Variants in SEMA3F observed in about 807,000 individuals in gnomAD.
SEMA3F encodes the protein semaphorin-3F.
A neutral mutation model predicts 98.5 loss-of-function variants in SEMA3F; 30 were observed. The ratio of observed to expected loss-of-function variants is 0.30; its 90% CI spans 0.23 to 0.41. The LOEUF (loss-of-function observed/expected upper bound fraction) is 0.41, where lower values mean the gene tolerates loss of function less well. SEMA3F is among the 10% of genes least tolerant of loss of function. The pLI is 1.00. For synonymous variants in SEMA3F, 380 were observed against 444.8 expected (o/e 0.85, Z 1.83); for missense variants, 866 against 1,119.3 (o/e 0.77, Z 3.23).
rs565658126 is a variant in SEMA3F, at chr3:50,166,239, C to T, written c.112+6505C>T. ...GTTCCTTCCCACTTGGGGCTCGGTGCTGATGCCCTCATTTCCCCCGGCCAG... is the reference window on the plus strand; with the variant it reads ...GTTCCTTCCCACTTGGGGCTCGGTGTTGATGCCCTCATTTCCCCCGGCCAG... On this transcript the variant is annotated intron_variant, in intron 2 of 18. Transcript: ENST00000002829. This position sits in a 1 kb window ranked among gnomAD's most constrained non-coding sequence, Gnocchi z 4.7. Among the ~76,000 whole-genome samples, 4 of 152,322 alleles carry T rather than the reference C, an allele frequency of 2.6e-5. No individual in the cohort carries two copies. The highest frequency in any genetic ancestry group is 3.9e-4 in the East Asian group (2 of 5,176).
chr3:50,183,286 G>A (rs770409864), intron 11 of SEMA3F, 31 bp downstream of exon 11: 2 of 1,611,274 alleles, frequency 1.2e-6, no homozygotes, highest in Non-Finnish European at 1.7e-6. Flanking sequence ...AGCAGTGGCA[G>A]GGAGTGGCCC....
chr3:50,173,767 A>G (rs750859168), intron 2 of SEMA3F, 26 bp from the exon 3 acceptor site: 10 of 1,611,514 alleles, frequency 6.2e-6, no homozygotes, highest in Admixed American at 1.7e-5. Context: ...GAAGGTCCTA[A>G]TTGGTGCCCT....
In SEMA3F at chr3:50,176,877, C is replaced by T. The variant is rs1341538464; in HGVS notation, c.643+16C>T. The T allele has an allele frequency of 1.3e-6, 2 of 1,594,408 alleles. No individual in the cohort carries two copies. The highest frequency in any genetic ancestry group is 2.2e-5 in the East Asian group (1 of 44,808). On this transcript the variant is annotated intron_variant, in intron 7 of 18. Coordinates refer to ENST00000002829, the MANE Select transcript of SEMA3F (RefSeq NM_004186.5). The stretch of plus-strand genomic sequence containing the variant: ...GCCCTCATCAGTGAGTGCCCCCCAA[C>T]CCCGCTCTACAGTCTCAATGTGTGG...
Position 50,182,420 on chromosome 3 carries a change from G to A in SEMA3F, c.763+17G>A, listed in dbSNP as rs2109111642. The A allele has an allele frequency of 6.2e-7, 1 of 1,612,868 alleles. No homozygotes were observed. Among genetic ancestry groups the A allele is most frequent in the East Asian group, 2.2e-5 (1 of 44,880 alleles). On this transcript the variant is annotated intron_variant, in intron 8 of 18. Coordinates refer to ENST00000002829, the MANE Select transcript of SEMA3F (RefSeq NM_004186.5). The surrounding 1 kb of genome is among the most constrained non-coding windows in gnomAD (Gnocchi z 4.5). ...GGCTGAACGGTAAGCGCAGCCCCAG[G>A]AGCCCTTCCGTGGCCATGTGTCTGG...
At position 50,188,009 on chromosome 3, in the gene SEMA3F, G is replaced by T. The variant is rs750266971; in HGVS notation, c.2252G>T (p.Arg751Leu). 6.2e-7 allele frequency: 1 copy of T among 1,602,932 alleles called. No homozygotes were observed. Residue 751 changes from arginine (R) to leucine (L), a missense_variant, in exon 19 of 19, where the codon CGC becomes CTC. Arg to Leu is a moderately radical substitution (Grantham distance 102). Coordinates refer to ENST00000002829, the MANE Select transcript of SEMA3F (RefSeq NM_004186.5). The surrounding 1 kb of genome is among the most constrained non-coding windows in gnomAD (Gnocchi z 4.5). ...LIHQYCQGYW[R>L]HVPPSPREAP... Reference sequence around the variant, plus strand: ...CACCAGTACTGCCAGGGTTACTGGCGCCATGTGCCCCCCAGCCCCAGGGAG... The same window carrying T: ...CACCAGTACTGCCAGGGTTACTGGCTCCATGTGCCCCCCAGCCCCAGGGAG...
chr3:50,155,937 G>A lies in SEMA3F; in HGVS notation c.-49+373G>A, dbSNP rs1421183021. 1 of 152,400 alleles carries A rather than the reference G, an allele frequency of 6.6e-6. No homozygotes were observed. The highest frequency in any genetic ancestry group is 1.9e-4 in the East Asian group (1 of 5,192). The allele number at this position is 152,400 out of a possible 1,614,324, so 9.4% of individuals were successfully genotyped here. ...GCTCTCTCTCCCATTAACGCCCGAG[G>A]CAGCGCTCTTCCCCGTAGATGCGCT... On this transcript the variant is annotated intron_variant, in intron 1 of 18. Coordinates refer to ENST00000002829, the MANE Select transcript of SEMA3F (RefSeq NM_004186.5). This position sits in a 1 kb window ranked among gnomAD's most constrained non-coding sequence, Gnocchi z 4.9.
Position 50,182,452 on chromosome 3 carries a change from G to T in SEMA3F, c.763+49G>T. 1 of 1,609,036 alleles carries T rather than the reference G, an allele frequency of 6.2e-7. No individual in the cohort carries two copies. Among genetic ancestry groups the T allele is most frequent in the Non-Finnish European group, 8.5e-7 (1 of 1,178,894 alleles). ...TCCGTGGCCATGTGTCTGGGATGCG[G>T]CAAGGAGGTCGTAAAGAAGCACATG... On this transcript the variant is annotated intron_variant, in intron 8 of 18. Coordinates refer to ENST00000002829, the MANE Select transcript of SEMA3F (RefSeq NM_004186.5). The surrounding 1 kb of genome is among the most constrained non-coding windows in gnomAD (Gnocchi z 4.5).
chr3:50,157,056 A>G (rs1698012697), intron 1 of SEMA3F, among the ~76,000 whole-genome samples: 1 of 151,762 alleles, frequency 6.6e-6, no homozygotes, highest in Non-Finnish European at 1.5e-5. Flanking sequence ...TGCTGTTGAT[A>G]ATCTCCCCAT....
At position 50,156,470 on chromosome 3, in the gene SEMA3F, A is replaced by C. The variant is rs372747322; in HGVS notation, c.-49+906A>C. On this transcript the variant is annotated intron_variant, in intron 1 of 18. Transcript: ENST00000002829. The surrounding 1 kb of genome is among the most constrained non-coding windows in gnomAD (Gnocchi z 4.5). ...AAGGGAGACGCCAACCAAAGACACC[A>C]GTATGTCCACCCTGAAGCTGGGCCA... Among the ~76,000 whole-genome samples the C allele has an allele frequency of 1.1e-4, 17 of 152,324 alleles. No homozygotes were observed. In the East Asian group the frequency reaches 3.1e-3, roughly 28 times the overall value.
In SEMA3F at chr3:50,178,721, C is replaced by CA. The variant is rs535984701; in HGVS notation, c.643+1874dup. Among the ~76,000 whole-genome samples, 917 of 101,206 alleles carry CA rather than the reference C, an allele frequency of 9.1e-3. 2 individuals carry two copies. Among genetic ancestry groups the CA allele is most frequent in the African/African-American group, 0.015 (411 of 27,556 alleles). The allele number at this position is 101,206 out of a possible 152,430, so 66.4% of individuals were successfully genotyped here. On this transcript the variant is annotated intron_variant, in intron 7 of 18. Coordinates refer to ENST00000002829, the MANE Select transcript of SEMA3F (RefSeq NM_004186.5). ...TGGGCAACTGAGCGAGACTCTGGCT[C>CA]AAAAAAAAAAAAAATCGGTAAACCA... is the stretch of plus-strand genomic sequence containing the variant.
At chr3:50,173,720 C>T in intron 2 of SEMA3F, 73 bp from the exon 3 acceptor site, 1 of 1,363,304 alleles carries the variant, frequency 7.3e-7, no homozygotes, top group Non-Finnish European at 1.0e-6. Context: ...GCCTCAGTCT[C>T]CCCTTTATCA....
At chr3:50,185,385 C>A in intron 13 of SEMA3F, 58 bp from the exon 14 acceptor site, 1 of 1,492,232 alleles carries the variant, frequency 6.7e-7, no homozygotes, top group Non-Finnish European at 9.2e-7. Flanking sequence ...GGGGCTGAGG[C>A]TGGTACCCCT....
intron 2 of SEMA3F, among the ~76,000 whole-genome samples, chr3:50,167,331 G>A (rs1698439781): frequency 6.6e-6 from 1 of 152,238 alleles, no homozygotes; most frequent in African/African-American, 2.4e-5. Flanking sequence ...CCCATCTGCT[G>A]GGACAGAAGG....
chr3:50,187,661 G>A (rs1322842749), intron 18 of SEMA3F, 44 bp from the exon 19 acceptor site: 3 of 1,526,994 alleles, frequency 2.0e-6, no homozygotes, highest in African/African-American at 1.4e-5. Context: ...TAGGGCCATA[G>A]GGTGGTCACA....
chr3:50,163,077 G>A lies in SEMA3F; in HGVS notation c.112+3343G>A, dbSNP rs117790264. Among the ~76,000 whole-genome samples the A allele has an allele frequency of 1.6e-4, 24 of 152,344 alleles. No individual in the cohort carries two copies. In the East Asian group the frequency reaches 4.4e-3, roughly 28 times the overall value. ...GAGCCTGCATCCGCCTGATGCCTGA[G>A]GCTGTCCCAGGACTGAGAGTGGAGG... On this transcript the variant is annotated intron_variant, in intron 2 of 18. Transcript: ENST00000002829.
chr3:50,185,370 G>A (rs1699169833), intron 13 of SEMA3F, 73 bp from the exon 14 acceptor site: 1 of 1,425,324 alleles, frequency 7.0e-7, no homozygotes, highest in East Asian at 2.5e-5. Flanking sequence ...GCCCTGGTGG[G>A]GGAAGGGGCT....
Position 50,155,901 on chromosome 3 carries a change from C to T in SEMA3F, c.-49+337C>T, listed in dbSNP as rs1697959114. ...TTCTGGAGCGGGAGTTCCGATCCCC[C>T]TTCTGCCTCAGCTCTCTCTCCCATT... On this transcript the variant is annotated intron_variant, in intron 1 of 18. Coordinates refer to ENST00000002829, the MANE Select transcript of SEMA3F (RefSeq NM_004186.5). The surrounding 1 kb of genome is among the most constrained non-coding windows in gnomAD (Gnocchi z 4.9). 6.5e-6 allele frequency: 1 copy of T among 153,324 alleles called. No homozygotes were observed. The allele number at this position is 153,324 out of a possible 1,614,324, so 9.5% of individuals were successfully genotyped here. A position where few individuals can be genotyped will look rare whatever the true frequency, so the allele number is the denominator to read the frequency against.
At position 50,175,161 on chromosome 3, in the gene SEMA3F, C is replaced by T. The variant is rs746862921; in HGVS notation, c.522C>T (p.Leu174=). The change falls in exon 6 of 19, where the codon CTC becomes CTT. Residue 174 remains leucine (L), a synonymous_variant. Coordinates refer to ENST00000002829, the MANE Select transcript of SEMA3F (RefSeq NM_004186.5). ...GRGSRATDGA[L]RPMPTAPRQD... ...GCAGCAGAGCCACGGATGGTGCCCT[C>T]CGCCCGATGCCCACAGCCCCACGCC... is the stretch of plus-strand genomic sequence containing the variant. 1 of 1,605,872 alleles carries T rather than the reference C, an allele frequency of 6.2e-7. No homozygotes were observed. The highest frequency in any genetic ancestry group is 1.7e-5 in the Admixed American group (1 of 59,278).
At chr3:50,163,025 A>G (rs369588031) in intron 2 of SEMA3F, among the ~76,000 whole-genome samples, 2 of 152,192 alleles carry the variant, frequency 1.3e-5, no homozygotes, top group African/African-American at 4.8e-5. Context: ...GCGGCTTCCC[A>G]GGTCACTCAG....
Sources: allele counts gnomAD v4.1 joint callset (sites outside exome capture counted in the v4.1 genomes callset), GRCh38; gene constraint gnomAD v4.1.1; non-coding constraint Gnocchi (gnomAD v3.1); transcripts MANE v1.5; gene names NCBI Gene and HGNC (gene_info 2026-07-23, HGNC 2026-07-21).